Variants in GRIN2A observed in about 807,000 individuals in gnomAD.
GRIN2A encodes glutamate receptor ionotropic, NMDA 2A.
Under a neutral mutation model 113.4 loss-of-function variants are expected in GRIN2A, and 22 were observed. That is an observed-to-expected ratio of 0.19 (90% CI 0.14 to 0.28). The LOEUF (loss-of-function observed/expected upper bound fraction) is 0.28, where lower values mean the gene tolerates loss of function less well. GRIN2A is among the 10% of genes least tolerant of loss of function. The pLI, the probability that GRIN2A is intolerant of heterozygous loss-of-function variation, is 1.00. For missense variants in GRIN2A, 1,502 were observed against 1,887.0 expected, an observed-to-expected ratio of 0.80 and a Z score of 3.78; for synonymous variants, 827 against 738.4, an observed-to-expected ratio of 1.12 and a Z score of -1.94.
intron 10 of GRIN2A, among the ~76,000 whole-genome samples, chr16:9,806,626 A>C (rs2041972640): frequency 6.6e-6 from 1 of 152,096 alleles, no homozygotes; most frequent in Admixed American, 6.6e-5. Flanking sequence ...CAAGCAAAAC[A>C]TGAAGACGGA....
intron 2 of GRIN2A, among the ~76,000 whole-genome samples, chr16:9,972,062 C>T (rs1226748145): frequency 6.6e-6 from 1 of 152,118 alleles, no homozygotes; most frequent in Non-Finnish European, 1.5e-5. Flanking sequence ...ATAAAAACCC[C>T]AGAAAGAGGA....
chr16:9,943,256 G>T (rs2044932814), intron 2 of GRIN2A: 1 of 152,150 alleles, frequency 6.6e-6, no homozygotes, highest in Admixed American at 6.5e-5. Flanking sequence ...CACCCACTTT[G>T]GTTCTGAAGC....
intron 2 of GRIN2A, among the ~76,000 whole-genome samples, chr16:10,027,855 C>T (rs1435112079): frequency 4.6e-5 from 7 of 152,222 alleles, no homozygotes; most frequent in Admixed American, 2.0e-4. Context: ...TCTCCTCCCT[C>T]GTCCAAGGCA....
chr16:10,174,583 C>T (rs1219813283), intron 2 of GRIN2A, among the ~76,000 whole-genome samples: 3 of 151,944 alleles, frequency 2.0e-5, no homozygotes, highest in Non-Finnish European at 4.4e-5. Context: ...GAGGGAGTTA[C>T]ATGCACAAAG....
rs1195233882 is a variant in GRIN2A at position 10,180,949 on chromosome 16, G to A, written c.-18-520C>T. On this transcript the variant is annotated intron_variant, in intron 1 of 12. Coordinates refer to ENST00000330684, the MANE Select transcript of GRIN2A (RefSeq NM_001134407.3). The surrounding 1 kb of genome is among the most constrained non-coding windows in gnomAD (Gnocchi z 7.0). ...ACCCAGACCCCGCGTCCCAGCTTGA[G>A]AGCTCAGCTAGTTGGCTGACCCCGC... is the stretch of plus-strand genomic sequence containing the variant. 6.6e-6 allele frequency among the ~76,000 whole-genome samples: 1 copy of A among 152,140 alleles called. No homozygotes were observed. Among genetic ancestry groups the A allele is most frequent in the South Asian group, 2.1e-4 (1 of 4,826 alleles).
chr16:9,970,665 G>T, intron 2 of GRIN2A: 1 of 396,182 alleles, frequency 2.5e-6, no homozygotes, highest in Non-Finnish European at 3.4e-6. Flanking sequence ...CAAGAAATAT[G>T]TATTAAGGAT....
Position 10,180,754 on chromosome 16 carries a change from C to T in GRIN2A, c.-18-325G>A. On this transcript the variant is annotated intron_variant, in intron 1 of 12. Transcript: ENST00000330684. The surrounding 1 kb of genome is among the most constrained non-coding windows in gnomAD (Gnocchi z 7.0). Reference sequence around the variant, plus strand: ...CCGCATTCCCCAAGTTCGCCGCGGGCCACAGACCCTAAGCGCCGCGCGTGT... The same window carrying T: ...CCGCATTCCCCAAGTTCGCCGCGGGTCACAGACCCTAAGCGCCGCGCGTGT... The T allele has an allele frequency of 2.1e-6, 1 of 475,868 alleles. No homozygotes were observed. The highest frequency in any genetic ancestry group is 3.9e-6 in the Non-Finnish European group (1 of 258,174). The allele number at this position is 475,868 out of a possible 1,614,324, so 29.5% of individuals were successfully genotyped here.
intron 2 of GRIN2A, among the ~76,000 whole-genome samples, chr16:10,128,978 G>A (rs1408028639): frequency 1.3e-5 from 2 of 152,172 alleles, no homozygotes; most frequent in Non-Finnish European, 2.9e-5. Context: ...ACCTGAGCAC[G>A]CTCTTATTTC....
intron 11 of GRIN2A, among the ~76,000 whole-genome samples, chr16:9,776,532 C>T (rs544702997): frequency 7.6e-4 from 116 of 152,172 alleles, no homozygotes; most frequent in South Asian, 1.2e-3. Flanking sequence ...TGAGAAGCCC[C>T]AGGCAAAGGG....
intron 2 of GRIN2A, among the ~76,000 whole-genome samples, chr16:9,991,140 A>G (rs2046105178): frequency 6.6e-6 from 1 of 152,242 alleles, no homozygotes; most frequent in Non-Finnish European, 1.5e-5. Context: ...AAATGGAAAA[A>G]GGCAAATGCC....
intron 3 of GRIN2A, among the ~76,000 whole-genome samples, chr16:9,927,922 T>C (rs555895859): frequency 8.5e-5 from 13 of 152,342 alleles, no homozygotes; most frequent in African/African-American, 3.1e-4. Flanking sequence ...TTACTCTTTG[T>C]GTTTGGCCAG....
At chr16:10,003,929 C>T (rs1008959068) in intron 2 of GRIN2A, among the ~76,000 whole-genome samples, 23 of 152,234 alleles carry the variant, frequency 1.5e-4, no homozygotes, top group Non-Finnish European at 3.1e-4. Context: ...CATTGCCTCA[C>T]CTGCTCTATT....
rs1360677899 is a variant in GRIN2A at position 9,759,010 on chromosome 16, G to A, written c.*4139C>T. ...GTCCAATCATGTCTACTATAGCCAT[G>A]GTTAATACAAACAGGCTCCATTTCA... On this transcript the variant is annotated 3_prime_UTR_variant, in exon 13 of 13. Transcript: ENST00000330684. The A allele has an allele frequency of 9.0e-6, 2 of 221,862 alleles. No individual in the cohort carries two copies. Among genetic ancestry groups the A allele is most frequent in the Admixed American group, 5.8e-5 (1 of 17,384 alleles). The allele number at this position is 221,862 out of a possible 1,614,324, so 13.7% of individuals were successfully genotyped here. A position where few individuals can be genotyped will look rare whatever the true frequency, so the allele number is the denominator to read the frequency against.
chr16:10,014,393 T>C (rs1015833007), intron 2 of GRIN2A, among the ~76,000 whole-genome samples: 2 of 152,228 alleles, frequency 1.3e-5, no homozygotes, highest in East Asian at 3.8e-4. Context: ...GGCCACTATA[T>C]GTTCTTTTCT....
intron 2 of GRIN2A, among the ~76,000 whole-genome samples, chr16:9,999,500 C>T (rs1444392481): frequency 1.3e-5 from 2 of 152,104 alleles, no homozygotes; most frequent in African/African-American, 4.8e-5. Context: ...GAACAGAAAA[C>T]CAAACACTGC....
chr16:10,032,079 T>G (rs1277092442), intron 2 of GRIN2A, among the ~76,000 whole-genome samples: 1 of 152,262 alleles, frequency 6.6e-6, no homozygotes, highest in Non-Finnish European at 1.5e-5. Flanking sequence ...GATACTTTTT[T>G]GAAATATGTC....
At chr16:10,115,652 G>A (rs1029396024) in intron 2 of GRIN2A, among the ~76,000 whole-genome samples, 1 of 152,210 alleles carries the variant, frequency 6.6e-6, no homozygotes, top group Non-Finnish European at 1.5e-5. Context: ...GTGCAAACCA[G>A]ATATTCCTGA....
At chr16:9,982,534 C>T (rs1324863773) in intron 2 of GRIN2A, among the ~76,000 whole-genome samples, 8 of 152,332 alleles carry the variant, frequency 5.3e-5, no homozygotes, top group East Asian at 3.9e-4. Flanking sequence ...ATACAGTAAA[C>T]GCATGCTTCT....
intron 2 of GRIN2A, among the ~76,000 whole-genome samples, chr16:9,945,785 AG>A (rs1278569545): frequency 1.3e-5 from 2 of 152,194 alleles, no homozygotes; most frequent in Non-Finnish European, 2.9e-5. Context: ...GGAGTCTTTC[AG>A]GCTTTCCCAT....
Sources: allele counts gnomAD v4.1 joint callset (sites outside exome capture counted in the v4.1 genomes callset), GRCh38; gene constraint gnomAD v4.1.1; non-coding constraint Gnocchi (gnomAD v3.1); transcripts MANE v1.5; gene names NCBI Gene and HGNC (gene_info 2026-07-23, HGNC 2026-07-21).